Variants in NPAS1 observed in about 807,000 individuals in gnomAD.
NPAS1 encodes neuronal PAS domain-containing protein 1.
Under a neutral mutation model 49.2 loss-of-function variants are expected in NPAS1, and 29 were observed. That is an observed-to-expected ratio of 0.59 (90% confidence interval 0.44 to 0.80). NPAS1 has a LOEUF of 0.80. Ranked by LOEUF, NPAS1 falls within the 30% of genes least tolerant of loss-of-function variation. NPAS1 has a pLI of 0.00. For synonymous variants in NPAS1, 408 were observed against 380.4 expected (o/e 1.07, Z -0.84); for missense variants, 825 against 835.5 (o/e 0.99, Z 0.15).
At chr19:47,032,559 G>T in intron 4 of NPAS1, 84 bp from the exon 5 acceptor site, 1 of 1,341,388 alleles carries the variant, frequency 7.5e-7, no homozygotes, top group Non-Finnish European at 1.1e-6. Flanking sequence ...GGAGACCCAG[G>T]TTTCAGAACC....
chr19:47,031,080 C>T (rs1243227064), intron 3 of NPAS1, among the ~76,000 whole-genome samples: 2 of 152,172 alleles, frequency 1.3e-5, no homozygotes, highest in East Asian at 1.9e-4. Context: ...CAAATGTCCC[C>T]TCCTTCAACA....
intron 3 of NPAS1, among the ~76,000 whole-genome samples, chr19:47,027,326 A>ACCCCCC (rs2056877262): frequency 1.2e-5 from 1 of 80,590 alleles, no homozygotes; most frequent in African/African-American, 4.1e-5. Context: ...CTGCCCCTGG[A>ACCCCCC]TCCCCCTCTC....
chr19:47,039,307 C>G, intron 7 of NPAS1, 100 bp from the exon 8 acceptor site: 1 of 1,543,030 alleles, frequency 6.5e-7, no homozygotes, highest in Non-Finnish European at 8.8e-7. Flanking sequence ...GTCCAGTCCT[C>G]CAGCACCTGT....
chr19:47,032,628 C>G lies in NPAS1; in HGVS notation c.433-15C>G. Reference sequence around the variant, plus strand: ...GGGTCCTCTCCTTCCCCCTCCCTGTCTCTCCCGGCTCTAGTCCCTGGATGG... The same window carrying G: ...GGGTCCTCTCCTTCCCCCTCCCTGTGTCTCCCGGCTCTAGTCCCTGGATGG... On this transcript the variant is annotated splice_polypyrimidine_tract_variant and intron_variant, in intron 4 of 11. Coordinates refer to ENST00000602212, the MANE Select transcript of NPAS1 (RefSeq NM_002517.4). 1 of 1,611,600 alleles carries G rather than the reference C, an allele frequency of 6.2e-7. No individual in the cohort carries two copies. Among genetic ancestry groups the G allele is most frequent in the Non-Finnish European group, 8.5e-7 (1 of 1,177,748 alleles).
chr19:47,045,041 AAAAACAAAAAC>A lies in NPAS1; in HGVS notation c.1313-141_1313-131del. 6 of 828,436 alleles carry A rather than the reference AAAAACAAAAAC, an allele frequency of 7.2e-6. No individual in the cohort carries two copies. The South Asian group carries it at 1.0e-4, about 14-fold the overall frequency. 51.3% of individuals were successfully genotyped at this position (828,436 alleles called of 1,614,324 possible). A position where few individuals can be genotyped will look rare whatever the true frequency, so the allele number is the denominator to read the frequency against. On this transcript the variant is annotated intron_variant, in intron 11 of 11. Coordinates refer to ENST00000602212, the MANE Select transcript of NPAS1 (RefSeq NM_002517.4). ...CAAGACTCCGTCTCACAAAAAAACA[AAAAACAAAAAC>A]AAAACAAACAAACAAAAAAAAAAAC...
chr19:47,040,440 CCA>C lies in NPAS1; in HGVS notation c.963-3_963-2del. ...CTCCTCCCCTCTTCTCTGTCACCCC[CCA>C]GAGTCAGCGACCACATGGACCTGGG... On this transcript the variant is annotated splice_acceptor_variant and splice_polypyrimidine_tract_variant and intron_variant, in intron 8 of 11. Coordinates refer to ENST00000602212, the MANE Select transcript of NPAS1 (RefSeq NM_002517.4). LOFTEE classifies it high-confidence loss of function. The C allele has an allele frequency of 2.5e-6, 4 of 1,581,434 alleles. No individual in the cohort carries two copies. The highest frequency in any genetic ancestry group is 2.6e-6 in the Non-Finnish European group (3 of 1,162,860).
chr19:47,026,503 TGG>T (rs1010548692), intron 3 of NPAS1, among the ~76,000 whole-genome samples: 4 of 152,162 alleles, frequency 2.6e-5, no homozygotes, highest in Non-Finnish European at 5.9e-5. Flanking sequence ...GCAGCTAGAC[TGG>T]GCTGGGGCCA....
intron 11 of NPAS1, among the ~76,000 whole-genome samples, chr19:47,043,255 A>AG (rs1250493118): frequency 8.1e-6 from 1 of 123,120 alleles, no homozygotes; most frequent in African/African-American, 3.3e-5. Flanking sequence ...ACTCCAGCCT[A>AG]GCGACAGAGC....
chr19:47,027,333 T>TCTCTCTGCCCTAGGTCCCCCC (rs2056877495), intron 3 of NPAS1, among the ~76,000 whole-genome samples: 1 of 118,700 alleles, frequency 8.4e-6, no homozygotes, highest in African/African-American at 2.9e-5. Flanking sequence ...TGGATCCCCC[T>TCTCTCTGCCCTAGGTCCCCCC]CTCTCTGCCC....
intron 4 of NPAS1, 48 bp from the exon 5 acceptor site, chr19:47,032,594 AG>A (rs1260038684): frequency 6.5e-7 from 1 of 1,541,336 alleles, no homozygotes; most frequent in African/African-American, 1.4e-5. Context: ...GGCTGGACAG[AG>A]GGACACCGGG....
At position 47,045,551 on chromosome 19, in the gene NPAS1, G is replaced by C; in HGVS notation, c.1673G>C (p.Arg558Thr). ...ELGLVYPHLQ[R>T]LGPGPALPEA... ...GGCCTGGTGTACCCGCACCTGCAGA[G>C]GCTGGGTCCGGGCCCCGCGCTCCCG... Residue 558 changes from arginine (R) to threonine (T), a missense_variant, in exon 12 of 12, where the codon AGG becomes ACG. Coordinates refer to ENST00000602212, the MANE Select transcript of NPAS1 (RefSeq NM_002517.4). The C allele has an allele frequency of 6.6e-7, 1 of 1,520,952 alleles. No individual in the cohort carries two copies. Among genetic ancestry groups the C allele is most frequent in the East Asian group, 2.5e-5 (1 of 40,052 alleles). The allele number at this position is 1,520,952 out of a possible 1,614,324, so 94.2% of individuals were successfully genotyped here.
At chr19:47,038,922 G>T in intron 6 of NPAS1, 114 bp from the exon 7 acceptor site, 1 of 832,866 alleles carries the variant, frequency 1.2e-6, no homozygotes, top group Non-Finnish European at 2.0e-6. Context: ...CTCTGAGTGC[G>T]GCCGTGGCCC....
chr19:47,045,729 C>A lies in NPAS1; in HGVS notation c.*78C>A. The A allele has an allele frequency of 8.0e-7, 1 of 1,244,872 alleles. No individual in the cohort carries two copies. Among genetic ancestry groups the A allele is most frequent in the East Asian group, 2.9e-5 (1 of 34,036 alleles). The allele number at this position is 1,244,872 out of a possible 1,614,324, so 77.1% of individuals were successfully genotyped here. On this transcript the variant is annotated 3_prime_UTR_variant, in exon 12 of 12. Coordinates refer to ENST00000602212, the MANE Select transcript of NPAS1 (RefSeq NM_002517.4). Reference sequence around the variant, plus strand: ...ACAGTAGGCCCGGCTCTGCCCGTAGCCCTGAGAATTAAACGCCGGCTCTCC... The same window carrying A: ...ACAGTAGGCCCGGCTCTGCCCGTAGACCTGAGAATTAAACGCCGGCTCTCC...
At position 47,041,232 on chromosome 19, in the gene NPAS1, G is replaced by A. The variant is rs147860326; in HGVS notation, c.1217+107G>A. On this transcript the variant is annotated intron_variant, in intron 10 of 11. Coordinates refer to ENST00000602212, the MANE Select transcript of NPAS1 (RefSeq NM_002517.4). The stretch of plus-strand genomic sequence containing the variant: ...GGGCTTCTAGAATGGGACAAGCCCA[G>A]GGGGTCTGCAGACACGAAGGGGAAG... 589 of 1,125,714 alleles carry A rather than the reference G, an allele frequency of 5.2e-4. 2 individuals carry two copies. In the African/African-American group the frequency reaches 8.8e-3, roughly 17 times the overall value. The allele number at this position is 1,125,714 out of a possible 1,614,324, so 69.7% of individuals were successfully genotyped here. A position where few individuals can be genotyped will look rare whatever the true frequency, so the allele number is the denominator to read the frequency against.
At chr19:47,027,348 T>TCCCCCCCTCTCTGCCCCAGGTC (rs1248986560) in intron 3 of NPAS1, among the ~76,000 whole-genome samples, 1 of 119,876 alleles carries the variant, frequency 8.3e-6, no homozygotes, top group Non-Finnish European at 1.8e-5. Context: ...CTGCCCCAGG[T>TCCCCCCCTCTCTGCCCCAGGTC]CCCCCCTCTC....
chr19:47,038,319 C>A (rs1253437955), intron 6 of NPAS1, among the ~76,000 whole-genome samples: 5 of 152,136 alleles, frequency 3.3e-5, no homozygotes, highest in Non-Finnish European at 7.4e-5. Flanking sequence ...GAGATTGAGA[C>A]CATCCTGGCC....
At chr19:47,026,680 G>C (rs1599895832) in intron 3 of NPAS1, among the ~76,000 whole-genome samples, 1 of 152,022 alleles carries the variant, frequency 6.6e-6, no homozygotes, top group Admixed American at 6.6e-5. Context: ...GTGCGGCCGG[G>C]GCGGTGGCTC....
In NPAS1 at chr19:47,021,919, G is replaced by A; in HGVS notation, c.358+72G>A. 1 of 1,032,380 alleles carries A rather than the reference G, an allele frequency of 9.7e-7. No individual in the cohort carries two copies. The allele number at this position is 1,032,380 out of a possible 1,614,324, so 64.0% of individuals were successfully genotyped here. On this transcript the variant is annotated intron_variant, in intron 3 of 11. Transcript: ENST00000602212. This position sits in a 1 kb window ranked among gnomAD's most constrained non-coding sequence, Gnocchi z 5.7. ...AGTCACTGCAGCCCAGATCCGGGCT[G>A]CGGGCCTGCCCTCGCCCAGATGCTT...
rs1377330644 is a variant in NPAS1, at chr19:47,023,597, T to C, written c.358+1750T>C. On this transcript the variant is annotated intron_variant, in intron 3 of 11. Coordinates refer to ENST00000602212, the MANE Select transcript of NPAS1 (RefSeq NM_002517.4). ...GAGGAGCTGAGGACAGCATTTTAGC[T>C]GAAGCCACAGAGCAGAGCACTGTCA... Among the ~76,000 whole-genome samples, 4 of 152,182 alleles carry C rather than the reference T, an allele frequency of 2.6e-5. No individual in the cohort carries two copies. In the East Asian group the frequency reaches 7.7e-4, roughly 29 times the overall value.
Sources: gnomAD v4.1 joint callset for allele counts (sites outside exome capture counted in the v4.1 genomes callset) on GRCh38, gnomAD v4.1.1 for gene constraint, Gnocchi (gnomAD v3.1) non-coding constraint, MANE v1.5 for transcripts, NCBI Gene and HGNC (gene_info 2026-07-23, HGNC 2026-07-21) for gene names.